ADGRL3: variants seen among roughly 807,000 people sequenced by gnomAD.
ADGRL3 encodes the protein adhesion G protein-coupled receptor L3.
A neutral mutation model predicts 153.5 loss-of-function variants in ADGRL3; 62 were observed. The observed-to-expected ratio is 0.40, with a 90% CI of 0.33 to 0.50. ADGRL3 has a LOEUF of 0.50. ADGRL3 is among the 20% of genes least tolerant of loss of function. The pLI, the probability that ADGRL3 is intolerant of heterozygous loss-of-function variation, is 0.47. For missense variants in ADGRL3, 1,641 were observed against 1,859.4 expected (o/e 0.88, Z 2.16); for synonymous variants, 710 against 672.5 (o/e 1.06, Z -0.86).
intron 8 of ADGRL3, among the ~76,000 whole-genome samples, chr4:61,750,487 G>A (rs1350640076): frequency 3.3e-5 from 5 of 152,182 alleles, no homozygotes; most frequent in Non-Finnish European, 7.3e-5. Context: ...AAAGCAGGAT[G>A]GACATATATT....
chr4:61,683,325 C>A (rs891224864), intron 6 of ADGRL3, among the ~76,000 whole-genome samples: 1 of 152,008 alleles, frequency 6.6e-6, no homozygotes, highest in Non-Finnish European at 1.5e-5. Context: ...TTGTTGTGGT[C>A]TTTCTGCTCT....
chr4:61,869,960 A>AAAAAAAAAAG (rs1554051477), intron 9 of ADGRL3, among the ~76,000 whole-genome samples: 2 of 101,886 alleles, frequency 2.0e-5, no homozygotes, highest in African/African-American at 7.9e-5. Context: ...AAAAAAAAAA[A>AAAAAAAAAAG]AGAGAGAGAG....
At chr4:61,863,001 A>G (rs2098359172) in intron 9 of ADGRL3, among the ~76,000 whole-genome samples, 1 of 152,146 alleles carries the variant, frequency 6.6e-6, no homozygotes, top group African/African-American at 2.4e-5. Context: ...AAACAGTGGT[A>G]TAGGTGAAAA....
rs561924030 is a variant in ADGRL3, at chr4:61,873,184, C to A, written c.1481-19472C>A. Among the ~76,000 whole-genome samples the A allele has an allele frequency of 2.6e-5, 4 of 152,226 alleles. No individual in the cohort carries two copies. In the South Asian group the frequency reaches 8.3e-4, roughly 32 times the overall value. On this transcript the variant is annotated intron_variant, in intron 9 of 26. Transcript: ENST00000683033. ...TGTCAATGAAGCCAGAAGTTTCATT[C>A]TCAGATTTCTCAGTCAGAAAGCAAC... is the stretch of plus-strand genomic sequence containing the variant.
chr4:61,342,320 T>G (rs2095822500), intron 1 of ADGRL3, among the ~76,000 whole-genome samples: 1 of 152,188 alleles, frequency 6.6e-6, no homozygotes, highest in African/African-American at 2.4e-5. Flanking sequence ...AACAGTTATT[T>G]ACTTTATAGT....
intron 13 of ADGRL3, among the ~76,000 whole-genome samples, chr4:61,915,370 A>G (rs1031518513): frequency 1.2e-4 from 18 of 151,126 alleles, no homozygotes; most frequent in African/African-American, 4.1e-4. Context: ...TAGGTAGAGA[A>G]ATCAAAATAT....
At chr4:61,380,780 T>C (rs1239726958) in intron 1 of ADGRL3, among the ~76,000 whole-genome samples, 4 of 152,026 alleles carry the variant, frequency 2.6e-5, no homozygotes, top group Admixed American at 2.0e-4. Context: ...TCCTTAGTGC[T>C]TTGCTCCTAA....
At chr4:61,450,010 T>C (rs2097654407) in intron 2 of ADGRL3, among the ~76,000 whole-genome samples, 2 of 152,210 alleles carry the variant, frequency 1.3e-5, no homozygotes, top group South Asian at 4.1e-4. Flanking sequence ...TTGAGTTTTG[T>C]TTTACAGTTG....
intron 11 of ADGRL3, among the ~76,000 whole-genome samples, chr4:61,900,832 T>TAA (rs935935779): frequency 6.6e-6 from 1 of 152,196 alleles, no homozygotes; most frequent in Non-Finnish European, 1.5e-5. Context: ...TTAATGTTCT[T>TAA]AAAAAAGTTT....
In ADGRL3 at chr4:61,981,490, C is replaced by T. The variant is rs925699710; in HGVS notation, c.3015+1718C>T. Among the ~76,000 whole-genome samples the T allele has an allele frequency of 4.0e-5, 6 of 150,886 alleles. No individual in the cohort carries two copies. In the South Asian group the frequency reaches 6.3e-4, roughly 16 times the overall value. ...TGCCAGCCTTGTACGTTATTGCAAC[C>T]TACATTTAGTCATATCAAGGAAAGG... is the stretch of plus-strand genomic sequence containing the variant. On this transcript the variant is annotated intron_variant, in intron 18 of 26. Coordinates refer to ENST00000683033, the MANE Select transcript of ADGRL3 (RefSeq NM_001387552.1).
chr4:61,497,682 AT>A (rs71211389), intron 3 of ADGRL3, among the ~76,000 whole-genome samples: 66 of 138,950 alleles, frequency 4.7e-4, no homozygotes, highest in African/African-American at 9.8e-4. Context: ...CGCCTGGCTA[AT>A]TTTTTTTTTT....
intron 2 of ADGRL3, among the ~76,000 whole-genome samples, chr4:61,488,903 T>C (rs1365874091): frequency 6.6e-6 from 1 of 152,052 alleles, no homozygotes; most frequent in African/African-American, 2.4e-5. Flanking sequence ...AAAAGCATGG[T>C]ATTTACAATG....
intron 1 of ADGRL3, among the ~76,000 whole-genome samples, chr4:61,379,409 T>C (rs1383130534): frequency 1.3e-5 from 2 of 152,076 alleles, no homozygotes; most frequent in African/African-American, 2.4e-5. Flanking sequence ...ATACCTAATA[T>C]GTAACTGTCT....
rs538920902 is a variant in ADGRL3 at position 62,073,834 on chromosome 4, T to C, written c.*2926T>C. On this transcript the variant is annotated 3_prime_UTR_variant, in exon 27 of 27. Transcript: ENST00000683033. The stretch of plus-strand genomic sequence containing the variant: ...ATTTTTGAACTCTATACATCATAAA[T>C]GGCATGCTTTCAGAGAGACTTAAGA... 1 of 152,130 alleles carries C rather than the reference T, an allele frequency of 6.6e-6. No homozygotes were observed. Among genetic ancestry groups the C allele is most frequent in the Admixed American group, 6.6e-5 (1 of 15,264 alleles). The allele number at this position is 152,130 out of a possible 1,614,324, so 9.4% of individuals were successfully genotyped here. A position where few individuals can be genotyped will look rare whatever the true frequency, so the allele number is the denominator to read the frequency against.
intron 2 of ADGRL3, among the ~76,000 whole-genome samples, chr4:61,392,577 T>C (rs1231165981): frequency 6.7e-6 from 1 of 148,970 alleles, no homozygotes; most frequent in East Asian, 2.0e-4. Flanking sequence ...TCCCAGCTAC[T>C]TCGTAGGCTG....
chr4:61,767,516 C>G (rs547086582), intron 8 of ADGRL3, among the ~76,000 whole-genome samples: 4 of 152,126 alleles, frequency 2.6e-5, no homozygotes, highest in Non-Finnish European at 5.9e-5. Context: ...GCTCGGCGTC[C>G]GTGATGGTCT....
chr4:61,245,374 A>G (rs560983712), intron 1 of ADGRL3, among the ~76,000 whole-genome samples: 1 of 152,146 alleles, frequency 6.6e-6, no homozygotes, highest in African/African-American at 2.4e-5. Flanking sequence ...TTTCTTCTCC[A>G]GATAAAGCCT....
At chr4:61,582,642 GA>G (rs113336064) in intron 4 of ADGRL3, among the ~76,000 whole-genome samples, 3,689 of 144,690 alleles carry the variant, frequency 0.025, 135 homozygotes, top group African/African-American at 0.082. Flanking sequence ...AGCAATGCAT[GA>G]AAAAAAAAAA....
chr4:61,493,707 C>T (rs143473541), intron 2 of ADGRL3, among the ~76,000 whole-genome samples: 5 of 152,162 alleles, frequency 3.3e-5, no homozygotes, highest in East Asian at 3.9e-4. Context: ...CATGCTGTTC[C>T]GGGTTCTCCA....
Sources: allele counts gnomAD v4.1 joint callset (sites outside exome capture counted in the v4.1 genomes callset), GRCh38; gene constraint gnomAD v4.1.1; transcripts MANE v1.5; gene names NCBI Gene and HGNC (gene_info 2026-07-23, HGNC 2026-07-21).